ATRN: variants seen among roughly 807,000 people sequenced by gnomAD.
The protein encoded by ATRN is attractin, also known as attractin-2.
Under a neutral mutation model 178.7 loss-of-function variants are expected in ATRN, and 54 were observed. The observed-to-expected ratio is 0.30, with a 90% confidence interval of 0.24 to 0.38. ATRN has a LOEUF of 0.38. ATRN is among the 10% of genes least tolerant of loss of function. The pLI is 1.00. For synonymous variants in ATRN, 636 were observed against 663.0 expected, an observed-to-expected ratio of 0.96 and a Z score of 0.63; for missense variants, 1,443 against 1,815.1, an observed-to-expected ratio of 0.79 and a Z score of 3.73.
intron 24 of ATRN, among the ~76,000 whole-genome samples, chr20:3,611,512 G>A (rs1178795733): frequency 6.6e-6 from 1 of 152,190 alleles, no homozygotes; most frequent in Admixed American, 6.5e-5. Context: ...GCCAAGGCAG[G>A]CAGATCACCA....
At position 3,490,116 on chromosome 20, in the gene ATRN, GCAAA is replaced by G. The variant is rs368096785; in HGVS notation, c.410+18604_410+18607del. 3.6e-5 allele frequency: 53 copies of G among 1,469,040 alleles called. No individual in the cohort carries two copies. In the Middle Eastern group the frequency reaches 9.1e-4, roughly 25 times the overall value. The allele number at this position is 1,469,040 out of a possible 1,614,324, so 91.0% of individuals were successfully genotyped here. On this transcript the variant is annotated intron_variant, in intron 1 of 28. Coordinates refer to ENST00000262919, the MANE Select transcript of ATRN (RefSeq NM_139321.3). ...GGTGCCCTTTGATTTGGGATTTTTG[GCAAA>G]CAAAGAGTTATCAAGTGACTCCAGG... is the stretch of plus-strand genomic sequence containing the variant.
Position 3,634,306 on chromosome 20 carries a change from C to CA in ATRN, c.3864-4dup. The CA allele has an allele frequency of 6.2e-7, 1 of 1,611,478 alleles. No homozygotes were observed. The highest frequency in any genetic ancestry group is 8.5e-7 in the Non-Finnish European group (1 of 1,178,026). On this transcript the variant is annotated splice_polypyrimidine_tract_variant and splice_region_variant and intron_variant, in intron 25 of 28. Transcript: ENST00000262919. Reference sequence around the variant, plus strand: ...ATAATAACTCAGTACTTTCCTTTCTCACAGTTGTTTCCTCTCTTTGCTCCT... The same window carrying CA: ...ATAATAACTCAGTACTTTCCTTTCTCAACAGTTGTTTCCTCTCTTTGCTCCT...
chr20:3,507,696 T>A (rs975447475), intron 1 of ATRN, among the ~76,000 whole-genome samples: 9 of 77,598 alleles, frequency 1.2e-4, no homozygotes, highest in Admixed American at 4.9e-4. Context: ...TTAAAAATAT[T>A]TTTTTTTTTT....
chr20:3,511,965 A>G lies in ATRN; in HGVS notation c.411-23288A>G, dbSNP rs1414056245. Among the ~76,000 whole-genome samples the G allele has an allele frequency of 3.0e-4, 45 of 150,680 alleles. 1 individual carries two copies. Among genetic ancestry groups the G allele is most frequent in the Admixed American group, 3.0e-3 (45 of 15,148 alleles). On this transcript the variant is annotated intron_variant, in intron 1 of 28. Transcript: ENST00000262919. The stretch of plus-strand genomic sequence containing the variant: ...GTTAATAACATCAATTAATTTCAAA[A>G]TTATGCTTCTGTTTTTGTGAGGCCA...
Position 3,559,500 on chromosome 20 carries a change from C to T in ATRN, c.1203+17C>T. The T allele has an allele frequency of 6.3e-7, 1 of 1,584,290 alleles. No homozygotes were observed. Among genetic ancestry groups the T allele is most frequent in the South Asian group, 1.1e-5 (1 of 90,206 alleles). ...TTATACAAGGTAAAGCATCTCCACT[C>T]TGTGCTAAGCAAGAAACTAAGTTTT... On this transcript the variant is annotated intron_variant, in intron 7 of 28. Transcript: ENST00000262919.
intron 1 of ATRN, among the ~76,000 whole-genome samples, chr20:3,524,889 TG>T (rs1340031677): frequency 1.3e-5 from 2 of 152,134 alleles, no homozygotes; most frequent in African/African-American, 4.8e-5. Context: ...CCAGAATCTC[TG>T]GGACGCAGCC....
rs770584938 is a variant in ATRN, at chr20:3,519,006, T to TATAAAAAAAAAAAA, written c.411-16246_411-16245insTAAAAAAAAAAAAA. On this transcript the variant is annotated intron_variant, in intron 1 of 28. Coordinates refer to ENST00000262919, the MANE Select transcript of ATRN (RefSeq NM_139321.3). ...GTGCTTCAATAAACATCCTTATATA[T>TATAAAAAAAAAAAA]AAAAAAAAAAAAAAGAAAGAAAACT... Among the ~76,000 whole-genome samples, 356 of 119,308 alleles carry TATAAAAAAAAAAAA rather than the reference T, an allele frequency of 3.0e-3. 5 individuals are homozygous for TATAAAAAAAAAAAA. The highest frequency in any genetic ancestry group is 4.3e-3 in the Middle Eastern group (1 of 232). The allele number at this position is 119,308 out of a possible 152,430, so 78.3% of individuals were successfully genotyped here.
intron 1 of ATRN, chr20:3,490,344 G>A: frequency 1.0e-6 from 1 of 1,004,418 alleles, no homozygotes; most frequent in Non-Finnish European, 1.6e-6. Flanking sequence ...CATCCAGGAA[G>A]GTCACATTCT....
At chr20:3,627,552 GACAAACCCCTGGCAAGATTA>G (rs2086952056) in intron 25 of ATRN, among the ~76,000 whole-genome samples, 1 of 152,086 alleles carries the variant, frequency 6.6e-6, no homozygotes, top group Non-Finnish European at 1.5e-5. Flanking sequence ...GAATAATATT[GACAAACCCCTGGCAAGATTA>G]ACCAAGGAAA....
chr20:3,546,976 A>G (rs2085713221), intron 4 of ATRN, among the ~76,000 whole-genome samples: 1 of 152,196 alleles, frequency 6.6e-6, no homozygotes, highest in African/African-American at 2.4e-5. Context: ...TAGTCCTCCC[A>G]CCCATGAGGA....
rs548451784 is a variant in ATRN at position 3,492,835 on chromosome 20, GGAGA to G, written c.410+21334_410+21337del. ...TCCAGAGAGAGAGAGAAATAGAAAG[GGAGA>G]GAGAGAGAGAGAGAGGCGCGCGCGC... On this transcript the variant is annotated intron_variant, in intron 1 of 28. Coordinates refer to ENST00000262919, the MANE Select transcript of ATRN (RefSeq NM_139321.3). Among the ~76,000 whole-genome samples, 906 of 132,672 alleles carry G rather than the reference GGAGA, an allele frequency of 6.8e-3. 14 individuals carry two copies. Among genetic ancestry groups the G allele is most frequent in the African/African-American group, 0.024 (801 of 32,828 alleles). The allele number at this position is 132,672 out of a possible 152,430, so 87.0% of individuals were successfully genotyped here.
At chr20:3,617,009 A>AT (rs2086853787) in intron 24 of ATRN, among the ~76,000 whole-genome samples, 1 of 152,188 alleles carries the variant, frequency 6.6e-6, no homozygotes, top group African/African-American at 2.4e-5. Context: ...TACTCCCTAA[A>AT]TGTATGCCAG....
rs1452393221 is a variant in ATRN, at chr20:3,648,147, C to G, written c.*1300C>G. 6.6e-6 allele frequency: 1 copy of G among 152,250 alleles called. No homozygotes were observed. The highest frequency in any genetic ancestry group is 1.5e-5 in the Non-Finnish European group (1 of 68,070). The allele number at this position is 152,250 out of a possible 1,614,324, so 9.4% of individuals were successfully genotyped here. On this transcript the variant is annotated 3_prime_UTR_variant, in exon 29 of 29. Transcript: ENST00000262919. ...AAGCTGCCCAAAGCCTGGAGAAGGA[C>G]TTGTTTGCCCTCTTTCCCCCAGGAG... is the stretch of plus-strand genomic sequence containing the variant.
At chr20:3,518,614 G>C (rs982506035) in intron 1 of ATRN, among the ~76,000 whole-genome samples, 1 of 152,100 alleles carries the variant, frequency 6.6e-6, no homozygotes, top group African/African-American at 2.4e-5. Context: ...GTGAATTAAA[G>C]CTCAATAAAA....
chr20:3,522,881 G>C lies in ATRN; in HGVS notation c.411-12372G>C, dbSNP rs545264967. On this transcript the variant is annotated intron_variant, in intron 1 of 28. Transcript: ENST00000262919. ...GAATAGGATCACCATCAACAAAAAG[G>C]ACGTCCATACAGAAACCCCATCCAA... Among the ~76,000 whole-genome samples the C allele has an allele frequency of 1.7e-4, 26 of 152,192 alleles. 1 individual carries two copies. The South Asian group carries it at 5.4e-3, about 32-fold the overall frequency.
At chr20:3,488,983 C>T (rs1197680682) in intron 1 of ATRN, among the ~76,000 whole-genome samples, 2 of 152,032 alleles carry the variant, frequency 1.3e-5, no homozygotes, top group Non-Finnish European at 2.9e-5. Flanking sequence ...TTTTTTGAGA[C>T]GGAGTCTCAC....
At chr20:3,565,539 G>A (rs1014251495) in intron 11 of ATRN, 107 bp downstream of exon 11, 4 of 877,784 alleles carry the variant, frequency 4.6e-6, no homozygotes, top group East Asian at 2.6e-5. Context: ...AGGCCGAGGC[G>A]GGTGGAATAC....
At chr20:3,523,434 C>T (rs1004474636) in intron 1 of ATRN, among the ~76,000 whole-genome samples, 8 of 152,030 alleles carry the variant, frequency 5.3e-5, no homozygotes, top group Non-Finnish European at 7.3e-5. Context: ...ACCAAACCTG[C>T]GTTTGATTGG....
intron 3 of ATRN, among the ~76,000 whole-genome samples, 166 bp downstream of exon 3, chr20:3,540,501 T>A (rs2085603062): frequency 6.6e-6 from 1 of 152,264 alleles, no homozygotes; most frequent in Admixed American, 6.5e-5. Flanking sequence ...AGTGCTAACT[T>A]GGTTTCTGTA....
Sources: gnomAD v4.1 joint callset for allele counts (sites outside exome capture counted in the v4.1 genomes callset) on GRCh38, gnomAD v4.1.1 for gene constraint, MANE v1.5 for transcripts, NCBI Gene and HGNC (gene_info 2026-07-23, HGNC 2026-07-21) for gene names.